Variants in CNTN4 observed in about 807,000 individuals in gnomAD.
The protein encoded by CNTN4 is contactin-4.
Under a neutral mutation model 122.5 loss-of-function variants are expected in CNTN4, and 77 were observed. The ratio of observed to expected loss-of-function variants is 0.63; its 90% CI spans 0.52 to 0.76. The LOEUF (loss-of-function observed/expected upper bound fraction) is 0.76. Ranked by LOEUF, CNTN4 falls within the 30% of genes least tolerant of loss-of-function variation. The pLI is 0.00. For missense variants in CNTN4, 1,256 were observed against 1,259.1 expected, an observed-to-expected ratio of 1.00 and a Z score of 0.04; for synonymous variants, 512 against 447.0, an observed-to-expected ratio of 1.15 and a Z score of -1.83.
At chr3:2,965,004 TG>T (rs1212061135) in intron 13 of CNTN4, among the ~76,000 whole-genome samples, 8 of 152,224 alleles carry the variant, frequency 5.3e-5, no homozygotes, top group African/African-American at 1.9e-4. Context: ...CCAGGTTTTC[TG>T]ATGTGTAAAT....
intron 3 of CNTN4, among the ~76,000 whole-genome samples, chr3:2,521,333 C>T (rs1000816555): frequency 2.7e-5 from 3 of 112,030 alleles, no homozygotes; most frequent in African/African-American, 1.1e-4. Context: ...CAAGGGTGGA[C>T]CTCTACCCAT....
intron 7 of CNTN4, among the ~76,000 whole-genome samples, chr3:2,847,178 AG>A (rs1229294965): frequency 1.7e-4 from 26 of 151,162 alleles, no homozygotes; most frequent in Admixed American, 4.0e-4. Context: ...AAAAAAAAAA[AG>A]ATAGACTTGG....
chr3:2,100,379 A>C (rs2031818744), intron 1 of CNTN4, among the ~76,000 whole-genome samples, 179 bp from the exon 2 acceptor site: 1 of 152,204 alleles, frequency 6.6e-6, no homozygotes, highest in Non-Finnish European at 1.5e-5. Flanking sequence ...ATACCCACAC[A>C]AGATAATTTG....
intron 4 of CNTN4, among the ~76,000 whole-genome samples, chr3:2,657,876 C>T (rs2083668350): frequency 6.6e-6 from 1 of 151,360 alleles, no homozygotes; most frequent in Non-Finnish European, 1.5e-5. Flanking sequence ...AATCATCAGC[C>T]ACACTGTACC....
rs558168028 is a variant in CNTN4 at position 2,300,238 on chromosome 3, A to G, written c.-144-38940A>G. ...TTTCTTAGGATTTAGCTCATTTTCT[A>G]TCATTTCACATGTGTTGACTTTTAA... On this transcript the variant is annotated intron_variant, in intron 2 of 24. Transcript: ENST00000418658. Among the ~76,000 whole-genome samples the G allele has an allele frequency of 1.3e-4, 20 of 152,318 alleles. No homozygotes were observed. The South Asian group carries it at 3.7e-3, about 28-fold the overall frequency.
At chr3:2,482,668 C>T (rs1405818697) in intron 3 of CNTN4, among the ~76,000 whole-genome samples, 1 of 152,172 alleles carries the variant, frequency 6.6e-6, no homozygotes, top group Non-Finnish European at 1.5e-5. Context: ...TGCCCTGCAT[C>T]CCAGCCACTC....
chr3:2,269,510 AG>A (rs2041182493), intron 2 of CNTN4, among the ~76,000 whole-genome samples: 1 of 152,126 alleles, frequency 6.6e-6, no homozygotes, highest in African/African-American at 2.4e-5. Context: ...TTAATCTCTC[AG>A]AAGAACATCA....
At chr3:2,621,057 A>C (rs2081969350) in intron 4 of CNTN4, among the ~76,000 whole-genome samples, 1 of 152,242 alleles carries the variant, frequency 6.6e-6, no homozygotes, top group Non-Finnish European at 1.5e-5. Flanking sequence ...TGATGAAAAT[A>C]ATACTTGCCT....
In CNTN4 at chr3:2,286,535, G is replaced by C. The variant is rs145646325; in HGVS notation, c.-144-52643G>C. On this transcript the variant is annotated intron_variant, in intron 2 of 24. Transcript: ENST00000418658. The stretch of plus-strand genomic sequence containing the variant: ...CTTACAATTTCTAAATAGGACCACT[G>C]TTTCTAAATATGTTAAGTGGTGTTT... Among the ~76,000 whole-genome samples, 51 of 152,006 alleles carry C rather than the reference G, an allele frequency of 3.4e-4. 1 individual carries two copies. Among genetic ancestry groups the C allele is most frequent in the African/African-American group, 1.2e-3 (49 of 41,474 alleles).
At chr3:2,855,937 T>A (rs1397407000) in intron 7 of CNTN4, among the ~76,000 whole-genome samples, 6 of 151,856 alleles carry the variant, frequency 4.0e-5, no homozygotes, top group Non-Finnish European at 8.8e-5. Context: ...AGTCCAGAGG[T>A]TTTTTTTGTT....
At chr3:2,664,185 G>A (rs912293724) in intron 4 of CNTN4, among the ~76,000 whole-genome samples, 1 of 152,140 alleles carries the variant, frequency 6.6e-6, no homozygotes, top group African/African-American at 2.4e-5. Flanking sequence ...ATATCTCAAA[G>A]CTATCAGTTA....
intron 2 of CNTN4, among the ~76,000 whole-genome samples, chr3:2,174,201 A>G (rs1365086086): frequency 7.2e-5 from 11 of 152,156 alleles, no homozygotes. Context: ...TTTTCCGTGG[A>G]AAAGAGGCTA....
chr3:2,494,753 G>C (rs563797192), intron 3 of CNTN4, among the ~76,000 whole-genome samples: 2 of 152,300 alleles, frequency 1.3e-5, no homozygotes, highest in African/African-American at 4.8e-5. Context: ...CCTGCTGTCT[G>C]TTGTGTGATG....
chr3:2,561,447 C>G lies in CNTN4; in HGVS notation c.-88-9969C>G, dbSNP rs76970968. Among the ~76,000 whole-genome samples, 470 of 152,132 alleles carry G rather than the reference C, an allele frequency of 3.1e-3. 2 individuals are homozygous for G. Among genetic ancestry groups the G allele is most frequent in the African/African-American group, 0.011 (454 of 41,514 alleles). ...CTGGGGATTGCAATTTCCCCCAAGT[C>G]CCTTGCATCCGCTCTCCTCCAGTGC... is the stretch of plus-strand genomic sequence containing the variant. On this transcript the variant is annotated intron_variant, in intron 3 of 24. Transcript: ENST00000418658.
intron 2 of CNTN4, among the ~76,000 whole-genome samples, chr3:2,312,112 A>G (rs1032789239): frequency 9.9e-5 from 15 of 151,990 alleles, no homozygotes; most frequent in African/African-American, 3.4e-4. Flanking sequence ...CAGGAGTTCA[A>G]GATCAGCCTG....
intron 4 of CNTN4, among the ~76,000 whole-genome samples, chr3:2,723,656 A>G (rs1308705343): frequency 6.6e-6 from 1 of 152,164 alleles, no homozygotes; most frequent in Non-Finnish European, 1.5e-5. Context: ...TCATGACCTT[A>G]TCACTCTCCT....
At chr3:2,560,483 A>T (rs1276714719) in intron 3 of CNTN4, among the ~76,000 whole-genome samples, 2 of 152,104 alleles carry the variant, frequency 1.3e-5, no homozygotes, top group African/African-American at 2.4e-5. Context: ...ACTTCCTTCT[A>T]AGTAAAACAA....
intron 2 of CNTN4, among the ~76,000 whole-genome samples, chr3:2,128,106 G>C (rs1055064849): frequency 6.6e-6 from 1 of 152,210 alleles, no homozygotes; most frequent in Non-Finnish European, 1.5e-5. Context: ...AAAAGATAGA[G>C]CCTGGTTGGT....
chr3:2,304,477 T>C (rs540810416), intron 2 of CNTN4, among the ~76,000 whole-genome samples: 1 of 152,256 alleles, frequency 6.6e-6, no homozygotes, highest in African/African-American at 2.4e-5. Context: ...ACATGATCCT[T>C]GACATTGATT....
Sources: allele counts gnomAD v4.1 joint callset (sites outside exome capture counted in the v4.1 genomes callset), GRCh38; gene constraint gnomAD v4.1.1; transcripts MANE v1.5; gene names NCBI Gene and HGNC (gene_info 2026-07-23, HGNC 2026-07-21).